The following PLCL1 variants were observed in gnomAD, a reference collection of about 807,000 sequenced individuals.
PLCL1 encodes the protein inactive phospholipase C-like protein 1.
Under a neutral mutation model 84.4 loss-of-function variants are expected in PLCL1, and 41 were observed. That is an observed-to-expected ratio of 0.49 (90% CI 0.38 to 0.63). The LOEUF is 0.63. PLCL1 is among the 30% of genes least tolerant of loss of function. The pLI, the probability that PLCL1 is intolerant of heterozygous loss-of-function variation, is 0.00. For missense variants in PLCL1, 1,206 were observed against 1,367.8 expected, an observed-to-expected ratio of 0.88 and a Z score of 1.87; for synonymous variants, 490 against 488.3, an observed-to-expected ratio of 1.00 and a Z score of -0.05.
At chr2:198,130,008 T>G (rs1694080980) in intron 5 of PLCL1, among the ~76,000 whole-genome samples, 1 of 152,104 alleles carries the variant, frequency 6.6e-6, no homozygotes. Flanking sequence ...TTTTTTAATT[T>G]TTTTGAGACA....
intron 1 of PLCL1, among the ~76,000 whole-genome samples, chr2:197,933,676 G>A (rs1458603374): frequency 6.6e-6 from 1 of 152,110 alleles, no homozygotes; most frequent in African/African-American, 2.4e-5. Context: ...GAAGTCATTG[G>A]AACTGGGCCT....
intron 1 of PLCL1, among the ~76,000 whole-genome samples, chr2:198,041,941 C>G (rs1006301151): frequency 2.6e-5 from 4 of 152,112 alleles, no homozygotes; most frequent in Admixed American, 6.5e-5. Flanking sequence ...GGGTATCCCC[C>G]CTTCCTTGAT....
At chr2:198,135,306 G>A (rs1343217264) in intron 5 of PLCL1, among the ~76,000 whole-genome samples, 1 of 152,130 alleles carries the variant, frequency 6.6e-6, no homozygotes, top group Non-Finnish European at 1.5e-5. Flanking sequence ...ATCACGATCT[G>A]TTACTAAATT....
At position 198,146,924 on chromosome 2, in the gene PLCL1, G is replaced by A; in HGVS notation, c.3250G>A (p.Glu1084Lys). ...AKSKRSLEAI[E>K]EKESSEENGK... Reference sequence around the variant, plus strand: ...GAGCAAGCGCAGCCTGGAAGCCATAGAGGAGAAGGAAAGTAGTGAGGAGAA... The same window carrying A: ...GAGCAAGCGCAGCCTGGAAGCCATAAAGGAGAAGGAAAGTAGTGAGGAGAA... The change falls in exon 6 of 6, where the codon GAG (glutamate) becomes AAG (lysine). Residue 1084 changes from glutamate (E) to lysine (K), a missense_variant. Glu to Lys is a moderately conservative substitution (Grantham distance 56). Coordinates refer to ENST00000428675, the MANE Select transcript of PLCL1 (RefSeq NM_006226.4). 1 of 1,612,660 alleles carries A rather than the reference G, an allele frequency of 6.2e-7. No homozygotes were observed. Among genetic ancestry groups the A allele is most frequent in the Non-Finnish European group, 8.5e-7 (1 of 1,179,132 alleles).
intron 1 of PLCL1, among the ~76,000 whole-genome samples, chr2:197,987,844 G>T (rs1340588007): frequency 6.6e-6 from 1 of 152,162 alleles, no homozygotes; most frequent in Admixed American, 6.5e-5. Flanking sequence ...ACTATGTATT[G>T]TATGTTTCAG....
intron 1 of PLCL1, among the ~76,000 whole-genome samples, chr2:197,878,617 A>T (rs1196862269): frequency 6.6e-6 from 1 of 152,082 alleles, no homozygotes. Flanking sequence ...GTGATCCTGG[A>T]TCTGTGGAAA....
Position 197,827,030 on chromosome 2 carries a change from T to A in PLCL1, c.240+21691T>A, listed in dbSNP as rs189170747. 1.0e-3 allele frequency among the ~76,000 whole-genome samples: 154 copies of A among 152,300 alleles called. 1 individual carries two copies. Among genetic ancestry groups the A allele is most frequent in the African/African-American group, 3.6e-3 (149 of 41,566 alleles). ...GGTCTACCTACTAAATAGTTCTCACTGCTACACTAGTTCAGGCCACTAGCT... is the reference window on the plus strand; with the variant it reads ...GGTCTACCTACTAAATAGTTCTCACAGCTACACTAGTTCAGGCCACTAGCT... On this transcript the variant is annotated intron_variant, in intron 1 of 5. Coordinates refer to ENST00000428675, the MANE Select transcript of PLCL1 (RefSeq NM_006226.4).
intron 1 of PLCL1, among the ~76,000 whole-genome samples, chr2:197,961,832 T>C (rs1326540279): frequency 6.6e-6 from 1 of 152,068 alleles, no homozygotes; most frequent in Non-Finnish European, 1.5e-5. Flanking sequence ...ATGAGATATT[T>C]CCTGCCTCTT....
intron 1 of PLCL1, among the ~76,000 whole-genome samples, chr2:197,916,546 A>G (rs1038316219): frequency 2.6e-5 from 4 of 152,164 alleles, no homozygotes; most frequent in African/African-American, 7.2e-5. Flanking sequence ...CAGTCCATGC[A>G]ATGGCACATA....
At chr2:198,042,276 C>G (rs939796413) in intron 1 of PLCL1, among the ~76,000 whole-genome samples, 1 of 152,222 alleles carries the variant, frequency 6.6e-6, no homozygotes, top group Non-Finnish European at 1.5e-5. Flanking sequence ...CCCACACCAA[C>G]AGCTGTCTAC....
Position 197,976,720 on chromosome 2 carries a change from T to C in PLCL1, c.241-107038T>C, listed in dbSNP as rs151171443. Reference sequence around the variant, plus strand: ...CCTTGGCCTCCCAAAGTGCTGGGATTACAGGCATGAGCCACTGTGCCCGGC... The same window carrying C: ...CCTTGGCCTCCCAAAGTGCTGGGATCACAGGCATGAGCCACTGTGCCCGGC... On this transcript the variant is annotated intron_variant, in intron 1 of 5. Coordinates refer to ENST00000428675, the MANE Select transcript of PLCL1 (RefSeq NM_006226.4). 4.3e-3 allele frequency among the ~76,000 whole-genome samples: 650 copies of C among 152,346 alleles called. 45 individuals carry two copies. In the East Asian group the frequency reaches 0.11, roughly 25 times the overall value.
chr2:198,088,806 C>T (rs1199772269), intron 2 of PLCL1, 52 bp from the exon 3 acceptor site: 22 of 1,014,828 alleles, frequency 2.2e-5, no homozygotes, highest in Middle Eastern at 2.3e-4. Flanking sequence ...GGAGTGCTGG[C>T]GGTGATGTGT....
At chr2:197,895,292 A>G (rs1348441250) in intron 1 of PLCL1, among the ~76,000 whole-genome samples, 2 of 152,046 alleles carry the variant, frequency 1.3e-5, no homozygotes, top group Non-Finnish European at 2.9e-5. Context: ...CAGAGAAAGT[A>G]AAAGGTGCCA....
rs576473776 is a variant in PLCL1 at position 197,902,646 on chromosome 2, C to G, written c.240+97307C>G. 2.6e-5 allele frequency among the ~76,000 whole-genome samples: 4 copies of G among 152,284 alleles called. No individual in the cohort carries two copies. In the East Asian group the frequency reaches 7.7e-4, roughly 29 times the overall value. ...ATACTGGTATGAAGAACAGGATGAA[C>G]TTACCACTCTTGGCATTTAAAAATG... On this transcript the variant is annotated intron_variant, in intron 1 of 5. Coordinates refer to ENST00000428675, the MANE Select transcript of PLCL1 (RefSeq NM_006226.4).
intron 1 of PLCL1, among the ~76,000 whole-genome samples, chr2:197,957,683 G>A (rs1689520428): frequency 6.6e-6 from 1 of 151,950 alleles, no homozygotes; most frequent in Admixed American, 6.6e-5. Flanking sequence ...TGCTCAACCA[G>A]GATAATCCCT....
At chr2:198,050,303 A>T (rs1691895706) in intron 1 of PLCL1, among the ~76,000 whole-genome samples, 1 of 152,112 alleles carries the variant, frequency 6.6e-6, no homozygotes, top group Non-Finnish European at 1.5e-5. Flanking sequence ...AGGAAAACAG[A>T]GTTAAACAAG....
intron 1 of PLCL1, among the ~76,000 whole-genome samples, chr2:197,889,175 T>C (rs910773725): frequency 3.3e-5 from 5 of 152,180 alleles, no homozygotes; most frequent in Non-Finnish European, 5.9e-5. Flanking sequence ...CCGAGAAGCA[T>C]AGTGACTAGT....
chr2:197,969,705 A>G (rs1449566098), intron 1 of PLCL1, among the ~76,000 whole-genome samples: 1 of 152,202 alleles, frequency 6.6e-6, no homozygotes, highest in Non-Finnish European at 1.5e-5. Context: ...ACTTTCCACC[A>G]TCTTTGGCCA....
chr2:197,997,964 C>A (rs947728835), intron 1 of PLCL1, among the ~76,000 whole-genome samples: 11 of 152,122 alleles, frequency 7.2e-5, no homozygotes, highest in African/African-American at 2.4e-4. Flanking sequence ...TGGGTATTAA[C>A]TCTTTTCAGT....
Sources: gnomAD v4.1 joint callset for allele counts (sites outside exome capture counted in the v4.1 genomes callset) on GRCh38, gnomAD v4.1.1 for gene constraint, MANE v1.5 for transcripts, NCBI Gene and HGNC (gene_info 2026-07-23, HGNC 2026-07-21) for gene names.